Variants in TPO observed in about 807,000 individuals in gnomAD.
TPO encodes the protein thyroid peroxidase, also known as thyroid microsomal antigen.
TPO carries 78 observed loss-of-function variants against 96.9 expected under a neutral mutation model. That is an observed-to-expected ratio of 0.81 (90% CI 0.67 to 0.97). TPO has a LOEUF of 0.97. Ranked by LOEUF, TPO falls within the 50% of genes least tolerant of loss-of-function variation. TPO has a pLI of 0.00. For missense variants in TPO, 1,252 were observed against 1,274.8 expected, an observed-to-expected ratio of 0.98 and a Z score of 0.27; for synonymous variants, 547 against 538.0, an observed-to-expected ratio of 1.02 and a Z score of -0.23.
At chr2:1,466,834 T>G (rs1391276416) in intron 7 of TPO, among the ~76,000 whole-genome samples, 1 of 152,178 alleles carries the variant, frequency 6.6e-6, no homozygotes, top group Non-Finnish European at 1.5e-5. Context: ...GAACCAGGTT[T>G]TTGTTTCATT....
chr2:1,491,965 A>C (rs1230150373), intron 10 of TPO, among the ~76,000 whole-genome samples: 3 of 152,166 alleles, frequency 2.0e-5, no homozygotes, highest in Non-Finnish European at 4.4e-5. Context: ...GCAGCTTCTC[A>C]CGGGGGCTCG....
At chr2:1,425,501 CCTT>C (rs1463102533) in intron 3 of TPO, among the ~76,000 whole-genome samples, 2 of 151,782 alleles carry the variant, frequency 1.3e-5, no homozygotes, top group Non-Finnish European at 1.5e-5. Flanking sequence ...AGTCCGTACT[CCTT>C]CTGTAAAGTC....
rs1431083636 is a variant in TPO, at chr2:1,504,051, G to A, written c.2490G>A (p.Glu830=). ...AGTGTCTCTGCGCGGACCCCTACGA[G>A]TTAGGAGACGATGGGAGAACCTGCG... ...GFQCLCADPY[E]LGDDGRTCVD... is the part of the protein sequence containing the mutation. The change falls in exon 14 of 17, where the codon GAG becomes GAA. Residue 830 remains glutamate (E), a synonymous_variant. Coordinates refer to ENST00000329066, the MANE Select transcript of TPO (RefSeq NM_001206744.2). The A allele has an allele frequency of 6.2e-6, 10 of 1,614,100 alleles. No individual in the cohort carries two copies. In the South Asian group the frequency reaches 1.1e-4, roughly 18 times the overall value.
In TPO at chr2:1,443,431, T is replaced by C. The variant is rs867924879; in HGVS notation, c.482+7047T>C. ...CAGGAGGCACCGTGTTGGAAGGGAA[T>C]GGGCAGGCTCCTTCTTGTTTGTATG... is the stretch of plus-strand genomic sequence containing the variant. On this transcript the variant is annotated intron_variant, in intron 5 of 16. Transcript: ENST00000329066. Among the ~76,000 whole-genome samples the C allele has an allele frequency of 6.1e-4, 73 of 118,832 alleles. No homozygotes were observed. In the Middle Eastern group the frequency reaches 0.015, roughly 25 times the overall value. 78.0% of individuals were successfully genotyped at this position (118,832 alleles called of 152,430 possible). A position where few individuals can be genotyped will look rare whatever the true frequency, so the allele number is the denominator to read the frequency against.
At chr2:1,388,514 G>A (rs536155728) in intron 1 of TPO, among the ~76,000 whole-genome samples, 42 of 152,342 alleles carry the variant, frequency 2.8e-4, no homozygotes, top group Middle Eastern at 3.4e-3. Flanking sequence ...CGAGCCAGGC[G>A]TAGGGTATAA....
At position 1,496,726 on chromosome 2, in the gene TPO, A is replaced by G. The variant is rs768066571; in HGVS notation, c.2347A>G (p.Thr783Ala). ...ELQGREQLTC[T>A]QEGWDFQPPL... Reference sequence around the variant, plus strand: ...CCAAGGCCGGGAGCAGCTCACTTGCACCCAGGAAGGATGGGATTTCCAGCC... The same window carrying G: ...CCAAGGCCGGGAGCAGCTCACTTGCGCCCAGGAAGGATGGGATTTCCAGCC... Residue 783 changes from threonine to alanine, a missense_variant, in exon 13 of 17, where the codon ACC becomes GCC. Transcript: ENST00000329066. 1 of 1,614,072 alleles carries G rather than the reference A, an allele frequency of 6.2e-7. No individual in the cohort carries two copies. Among genetic ancestry groups the G allele is most frequent in the Non-Finnish European group, 8.5e-7 (1 of 1,180,016 alleles).
intron 1 of TPO, among the ~76,000 whole-genome samples, chr2:1,404,920 C>T (rs749779597): frequency 6.6e-6 from 1 of 152,140 alleles, no homozygotes; most frequent in Non-Finnish European, 1.5e-5. Context: ...CTGTAGTTCA[C>T]CCTTACAATA....
intron 7 of TPO, among the ~76,000 whole-genome samples, chr2:1,475,093 G>C (rs1270455476): frequency 6.6e-6 from 1 of 152,206 alleles, no homozygotes; most frequent in Admixed American, 6.5e-5. Context: ...ACTTTTCATT[G>C]ATTTCTGGAG....
Position 1,496,771 on chromosome 2 carries a change from T to A in TPO, c.2386+6T>A. 1 of 1,614,146 alleles carries A rather than the reference T, an allele frequency of 6.2e-7. No individual in the cohort carries two copies. Among genetic ancestry groups the A allele is most frequent in the Non-Finnish European group, 8.5e-7 (1 of 1,180,036 alleles). On this transcript the variant is annotated splice_donor_region_variant and intron_variant, in intron 13 of 16. Coordinates refer to ENST00000329066, the MANE Select transcript of TPO (RefSeq NM_001206744.2). ...CCAGCCTCCCCTCTGCAAAGGTCAG[T>A]CCTTTCTTCAATGACAATTACAAAA...
chr2:1,496,694 A>G lies in TPO; in HGVS notation c.2315A>G (p.Tyr772Cys), dbSNP rs1382787497. The change falls in exon 13 of 17, where the codon TAT (tyrosine) becomes TGT (cysteine). Residue 772 changes from tyrosine (Y) to cysteine (C), a missense_variant. Physicochemically the swap from Tyr to Cys is radical, Grantham distance 194. Coordinates refer to ENST00000329066, the MANE Select transcript of TPO (RefSeq NM_001206744.2). Reference sequence around the variant, plus strand: ...CTGGTGTATTCCTGCCGGCACGGGTATGAGCTCCAAGGCCGGGAGCAGCTC... The same window carrying G: ...CTGGTGTATTCCTGCCGGCACGGGTGTGAGCTCCAAGGCCGGGAGCAGCTC... The part of the protein sequence containing the change: ...RVLVYSCRHG[Y>C]ELQGREQLTC... The G allele has an allele frequency of 3.7e-6, 6 of 1,614,058 alleles. No homozygotes were observed. In the South Asian group the frequency reaches 6.6e-5, roughly 18 times the overall value.
intron 15 of TPO, among the ~76,000 whole-genome samples, chr2:1,523,722 CT>C: frequency 8.4e-6 from 1 of 119,352 alleles, no homozygotes. Flanking sequence ...GTGCAACCTC[CT>C]CAGGTCCCCC....
upstream of TPO, among the ~76,000 whole-genome samples, chr2:1,410,223 T>C (rs78709643): frequency 0.035 from 5,348 of 152,320 alleles, 229 homozygotes; most frequent in African/African-American, 0.096. Context: ...TATGAAAACA[T>C]CATGTGAACA....
intron 11 of TPO, 91 bp from the exon 12 acceptor site, chr2:1,495,898 G>C: frequency 7.1e-7 from 1 of 1,418,326 alleles, no homozygotes; most frequent in Admixed American, 1.9e-5. Context: ...GGAGAGGCTG[G>C]CAGCACACAG....
intron 10 of TPO, among the ~76,000 whole-genome samples, chr2:1,492,042 G>A (rs769315127): frequency 6.6e-6 from 1 of 152,230 alleles, no homozygotes; most frequent in Non-Finnish European, 1.5e-5. Context: ...GACTCTAGGA[G>A]CACAAGAGTC....
At chr2:1,408,322 C>T (rs148300672) in intron 1 of TPO, among the ~76,000 whole-genome samples, 3 of 152,254 alleles carry the variant, frequency 2.0e-5, no homozygotes, top group African/African-American at 7.2e-5. Flanking sequence ...AGCTCCTCTC[C>T]CTGTGAAGTA....
chr2:1,511,904 A>G (rs1674170956), intron 14 of TPO, among the ~76,000 whole-genome samples: 1 of 152,262 alleles, frequency 6.6e-6, no homozygotes, highest in Admixed American at 6.5e-5. Context: ...TAATCTTCAG[A>G]ATAAAACTTT....
At chr2:1,538,677 T>C (rs1680362048) in intron 15 of TPO, among the ~76,000 whole-genome samples, 1 of 152,174 alleles carries the variant, frequency 6.6e-6, no homozygotes, top group South Asian at 2.1e-4. Flanking sequence ...GGCTTTTACT[T>C]GGGATATTGA....
chr2:1,438,780 T>C (rs1299929060), intron 5 of TPO: 3 of 48,006 alleles, frequency 6.2e-5, no homozygotes, highest in East Asian at 5.9e-4. Context: ...TAACTGGAGA[T>C]TTTTTTTTTT....
At chr2:1,411,184 A>G (rs555163405), upstream of TPO, among the ~76,000 whole-genome samples, 3 of 152,270 alleles carry the variant, frequency 2.0e-5, no homozygotes, top group South Asian at 6.2e-4. Context: ...AACAGCTTCC[A>G]TTGTACTTGA....
Sources: allele counts gnomAD v4.1 joint callset (sites outside exome capture counted in the v4.1 genomes callset), GRCh38; gene constraint gnomAD v4.1.1; transcripts MANE v1.5; gene names NCBI Gene and HGNC (gene_info 2026-07-23, HGNC 2026-07-21).